Variants in CCDC141 observed in about 807,000 individuals in gnomAD.
CCDC141 encodes the protein coiled-coil domain containing 141.
A neutral mutation model predicts 181.0 loss-of-function variants in CCDC141; 168 were observed. The ratio of observed to expected loss-of-function variants is 0.93; its 90% CI spans 0.82 to 1.05. The LOEUF is 1.05. CCDC141 is among the 50% of genes least tolerant of loss of function. CCDC141 has a pLI of 0.00. For missense variants in CCDC141, 1,902 were observed against 1,788.5 expected (o/e 1.06, Z -1.14); for synonymous variants, 666 against 642.3 (o/e 1.04, Z -0.56).
chr2:179,041,721 T>C (rs2043313542), intron 2 of CCDC141, among the ~76,000 whole-genome samples: 1 of 151,590 alleles, frequency 6.6e-6, no homozygotes, highest in Non-Finnish European at 1.5e-5. Flanking sequence ...TGGAGGAAAA[T>C]TTGCCAAGCA....
chr2:178,878,121 A>G lies in CCDC141; in HGVS notation c.1742T>C (p.Leu581Ser), dbSNP rs1558948618. ...SEEVEMQFQSLKEFYETEIPQ... is the reference protein window; with the variant it reads ...SEEVEMQFQSSKEFYETEIPQ... ...GATTTCGGTTTCATAAAATTCTTTT[A>G]AGCTCTGAAACTGCATCTCTACCTA... The change falls in exon 12 of 24, where the codon TTA (leucine) becomes TCA (serine). Residue 581 changes from leucine (L) to serine (S), a missense_variant. Transcript: ENST00000443758. The G allele has an allele frequency of 6.2e-7, 1 of 1,605,688 alleles. No individual in the cohort carries two copies.
intron 8 of CCDC141, among the ~76,000 whole-genome samples, chr2:178,894,244 G>C (rs775117709): frequency 6.6e-6 from 1 of 152,106 alleles, no homozygotes; most frequent in Admixed American, 6.6e-5. Flanking sequence ...TTTTGATGCT[G>C]GACTGAAGGT....
the CCDC141 span, among the ~76,000 whole-genome samples, chr2:178,820,062 AC>A: frequency 6.6e-6 from 1 of 152,190 alleles, no homozygotes; most frequent in Non-Finnish European, 1.5e-5. Flanking sequence ...CTTATCTGAT[AC>A]ATAAAAGGAC....
chr2:178,845,748 C>T lies in CCDC141; in HGVS notation c.3358-6G>A, dbSNP rs780706191. 1 of 1,537,660 alleles carries T rather than the reference C, an allele frequency of 6.5e-7. No individual in the cohort carries two copies. Among genetic ancestry groups the T allele is most frequent in the South Asian group, 1.1e-5 (1 of 89,512 alleles). On this transcript the variant is annotated splice_region_variant and splice_polypyrimidine_tract_variant and intron_variant, in intron 21 of 23. Transcript: ENST00000443758. ...ATCTTTAAAACATCTCCCTGCTGTA[C>T]AAAGCAACAGTTAGTGAGAGCATGA...
At chr2:178,866,388 T>G (rs1685851854) in intron 16 of CCDC141, among the ~76,000 whole-genome samples, 1 of 152,228 alleles carries the variant, frequency 6.6e-6, no homozygotes, top group African/African-American at 2.4e-5. Flanking sequence ...AAGTGAGACT[T>G]CTTGCTTTCT....
At position 178,866,553 on chromosome 2, in the gene CCDC141, A is replaced by G. The variant is rs556901878; in HGVS notation, c.2575-637T>C. 3.3e-5 allele frequency among the ~76,000 whole-genome samples: 5 copies of G among 152,324 alleles called. No homozygotes were observed. The East Asian group carries it at 9.6e-4, about 29-fold the overall frequency. ...ATATTTTAGATTCACTGCATTTCATATAGTTTAGTGGATATCTTACATGTA... is the reference window on the plus strand; with the variant it reads ...ATATTTTAGATTCACTGCATTTCATGTAGTTTAGTGGATATCTTACATGTA... On this transcript the variant is annotated intron_variant, in intron 16 of 23. Coordinates refer to ENST00000443758, the MANE Select transcript of CCDC141 (RefSeq NM_173648.4).
At chr2:178,947,744 G>C (rs1689790848) in intron 5 of CCDC141, among the ~76,000 whole-genome samples, 2 of 152,228 alleles carry the variant, frequency 1.3e-5, no homozygotes, top group African/African-American at 4.8e-5. Context: ...TTAAAGTGGG[G>C]TGGCAGGGAA....
At chr2:178,893,363 T>A (rs761815570) in intron 8 of CCDC141, among the ~76,000 whole-genome samples, 2 of 152,116 alleles carry the variant, frequency 1.3e-5, no homozygotes, top group Non-Finnish European at 2.9e-5. Context: ...ATTCCAATGT[T>A]AATGTGTTCT....
chr2:178,978,482 A>G lies in CCDC141; in HGVS notation c.417+2T>C. The stretch of plus-strand genomic sequence containing the variant: ...AAGGGAGAAGTTTTTTAAAGTACAA[A>G]CCTCTAAGGCATTTTCAAAAAATTC... On this transcript the variant is annotated splice_donor_variant, in intron 3 of 23. Coordinates refer to ENST00000443758, the MANE Select transcript of CCDC141 (RefSeq NM_173648.4). LOFTEE classifies it high-confidence loss of function. The G allele has an allele frequency of 6.9e-7, 1 of 1,458,340 alleles. No homozygotes were observed. The highest frequency in any genetic ancestry group is 9.1e-7 in the Non-Finnish European group (1 of 1,100,612). The allele number at this position is 1,458,340 out of a possible 1,614,324, so 90.3% of individuals were successfully genotyped here.
chr2:178,924,053 T>C (rs1054843011), intron 6 of CCDC141, among the ~76,000 whole-genome samples: 8 of 152,244 alleles, frequency 5.3e-5, no homozygotes, highest in Admixed American at 5.2e-4. Flanking sequence ...ACAGTATGTT[T>C]AGTAAGCTTT....
intron 2 of CCDC141, among the ~76,000 whole-genome samples, chr2:179,041,416 T>G (rs935482096): frequency 7.9e-5 from 12 of 151,962 alleles, no homozygotes; most frequent in African/African-American, 2.9e-4. Flanking sequence ...TAATGTTTGT[T>G]GGCTGCATGT....
intron 8 of CCDC141, among the ~76,000 whole-genome samples, chr2:178,892,997 T>G (rs1023761382): frequency 2.0e-5 from 3 of 152,184 alleles, no homozygotes; most frequent in African/African-American, 7.2e-5. Context: ...ACTGGAAATA[T>G]TGATTGACCT....
chr2:178,930,384 A>G (rs1689055981), intron 6 of CCDC141, among the ~76,000 whole-genome samples: 1 of 152,138 alleles, frequency 6.6e-6, no homozygotes, highest in African/African-American at 2.4e-5. Flanking sequence ...ATACTCCCCA[A>G]AGTACTGTAG....
At position 179,049,840 on chromosome 2, in the gene CCDC141, C is replaced by A; in HGVS notation, c.102G>T (p.Lys34Asn). 1 of 1,550,712 alleles carries A rather than the reference C, an allele frequency of 6.4e-7. No homozygotes were observed. Residue 34 changes from lysine (K) to asparagine (N), a missense_variant and splice_region_variant, in exon 1 of 24, where the codon AAG (lysine) becomes AAT (asparagine). Coordinates refer to ENST00000443758, the MANE Select transcript of CCDC141 (RefSeq NM_173648.4). ...AGAAAAAAGGAAGTTGTTAGCTTAC[C>A]TTTATGACAGCTATAACGATTTTGG... is the stretch of plus-strand genomic sequence containing the variant. ...GDSKIVIAVI[K>N]CGKWVQLQLA...
chr2:178,905,237 C>A, intron 8 of CCDC141, 92 bp downstream of exon 8: 1 of 1,187,300 alleles, frequency 8.4e-7, no homozygotes, highest in Non-Finnish European at 1.2e-6. Flanking sequence ...AACATCAGAA[C>A]CAGAAAAAGA....
chr2:178,906,166 C>A (rs1470149879), intron 7 of CCDC141, among the ~76,000 whole-genome samples: 1 of 152,190 alleles, frequency 6.6e-6, no homozygotes, highest in Non-Finnish European at 1.5e-5. Flanking sequence ...CATAGCCTTG[C>A]AAACCAAGAT....
chr2:178,961,583 G>T, intron 4 of CCDC141, 100 bp from the exon 5 acceptor site: 3 of 983,882 alleles, frequency 3.0e-6, no homozygotes, highest in Non-Finnish European at 4.3e-6. Flanking sequence ...TAATTTTTAT[G>T]TTAATAAAAA....
chr2:178,955,533 T>C (rs1034236212), intron 5 of CCDC141, among the ~76,000 whole-genome samples: 11 of 152,332 alleles, frequency 7.2e-5, no homozygotes, highest in Non-Finnish European at 1.0e-4. Context: ...TTAAAATTAA[T>C]TGATCTATTT....
chr2:178,984,499 C>T (rs1313086116), intron 2 of CCDC141, among the ~76,000 whole-genome samples: 2 of 151,716 alleles, frequency 1.3e-5, no homozygotes, highest in Admixed American at 1.3e-4. Flanking sequence ...CTAACTGCTC[C>T]AATTAAAAGA....
Sources: gnomAD v4.1 joint callset for allele counts (sites outside exome capture counted in the v4.1 genomes callset) on GRCh38, gnomAD v4.1.1 for gene constraint, MANE v1.5 for transcripts, NCBI Gene and HGNC (gene_info 2026-07-23, HGNC 2026-07-21) for gene names.